The following CNTNAP5 variants were observed in gnomAD, a reference collection of about 807,000 sequenced individuals.
The protein encoded by CNTNAP5 is contactin associated protein family member 5, also known as contactin-associated protein-like 5.
In CNTNAP5, 72 loss-of-function variants were observed where a neutral mutation model predicts 150.2. That is an observed-to-expected ratio of 0.48 (90% confidence interval 0.40 to 0.58). The LOEUF (loss-of-function observed/expected upper bound fraction) is 0.58, where lower values mean the gene tolerates loss of function less well. CNTNAP5 is among the 20% of genes least tolerant of loss of function. The pLI is 0.00. For synonymous variants in CNTNAP5, 672 were observed against 619.8 expected, an observed-to-expected ratio of 1.08 and a Z score of -1.25; for missense variants, 1,636 against 1,626.2, an observed-to-expected ratio of 1.01 and a Z score of -0.10.
intron 19 of CNTNAP5, among the ~76,000 whole-genome samples, chr2:124,819,914 A>G (rs530461297): frequency 4.6e-5 from 7 of 152,248 alleles, no homozygotes; most frequent in East Asian, 1.9e-4. Context: ...TGCTTTCTCC[A>G]TGTAGGCTCT....
intron 1 of CNTNAP5, among the ~76,000 whole-genome samples, chr2:124,098,338 G>A (rs1448847577): frequency 1.3e-5 from 2 of 152,146 alleles, no homozygotes; most frequent in Non-Finnish European, 2.9e-5. Flanking sequence ...GGAAGAGGGG[G>A]GAATTGGTCT....
chr2:124,444,887 G>A (rs1692772886), intron 5 of CNTNAP5, among the ~76,000 whole-genome samples: 1 of 152,114 alleles, frequency 6.6e-6, no homozygotes, highest in African/African-American at 2.4e-5. Flanking sequence ...GGGTTTCACA[G>A]CACCGCACTC....
At chr2:124,578,755 A>T (rs1184820376) in intron 11 of CNTNAP5, among the ~76,000 whole-genome samples, 2 of 152,204 alleles carry the variant, frequency 1.3e-5, no homozygotes, top group African/African-American at 4.8e-5. Flanking sequence ...CCTGTGTAAC[A>T]GAGTGAGACC....
At chr2:124,820,161 A>G (rs867359402) in intron 19 of CNTNAP5, among the ~76,000 whole-genome samples, 4 of 152,148 alleles carry the variant, frequency 2.6e-5, no homozygotes, top group Non-Finnish European at 4.4e-5. Flanking sequence ...ATCTATTGTA[A>G]GTTATATTAA....
At chr2:124,093,372 T>C (rs1230586474) in intron 1 of CNTNAP5, among the ~76,000 whole-genome samples, 1 of 152,214 alleles carries the variant, frequency 6.6e-6, no homozygotes, top group Non-Finnish European at 1.5e-5. Context: ...ACATGATCAA[T>C]TCAATGAGCA....
chr2:124,826,712 C>T (rs905587658), intron 19 of CNTNAP5, among the ~76,000 whole-genome samples: 1 of 152,058 alleles, frequency 6.6e-6, no homozygotes, highest in Admixed American at 6.5e-5. Context: ...AGTATTTTAA[C>T]AAACCCTCTA....
chr2:124,473,007 G>A (rs1244610353), intron 6 of CNTNAP5, among the ~76,000 whole-genome samples: 5 of 151,916 alleles, frequency 3.3e-5, no homozygotes, highest in Non-Finnish European at 2.9e-5. Context: ...AAGAGTATAT[G>A]ATTTAATATA....
At chr2:124,409,957 G>C (rs1245287085) in intron 3 of CNTNAP5, among the ~76,000 whole-genome samples, 1 of 150,402 alleles carries the variant, frequency 6.6e-6, no homozygotes, top group Admixed American at 6.6e-5. Context: ...GTCAAGAGCT[G>C]TATTCAGTGT....
intron 1 of CNTNAP5, among the ~76,000 whole-genome samples, chr2:124,062,196 T>G (rs1030799064): frequency 6.6e-6 from 1 of 152,200 alleles, no homozygotes; most frequent in Non-Finnish European, 1.5e-5. Context: ...TCACAAAACC[T>G]TTGTCCTACA....
intron 1 of CNTNAP5, among the ~76,000 whole-genome samples, chr2:124,118,170 A>G (rs1683473904): frequency 6.6e-6 from 1 of 152,156 alleles, no homozygotes; most frequent in Non-Finnish European, 1.5e-5. Flanking sequence ...ATACTTTAGA[A>G]TATATGTATA....
chr2:124,450,011 C>A (rs1389966149), intron 6 of CNTNAP5, among the ~76,000 whole-genome samples: 2 of 151,974 alleles, frequency 1.3e-5, no homozygotes, highest in East Asian at 3.9e-4. Context: ...GATCCAGACC[C>A]CTGTTGGAAG....
intron 19 of CNTNAP5, among the ~76,000 whole-genome samples, chr2:124,829,883 T>C (rs1182643223): frequency 6.6e-6 from 1 of 151,914 alleles, no homozygotes; most frequent in Non-Finnish European, 1.5e-5. Flanking sequence ...ATTAGAATCA[T>C]GACTGACAGT....
intron 3 of CNTNAP5, among the ~76,000 whole-genome samples, chr2:124,327,043 C>T (rs1012325188): frequency 7.6e-5 from 10 of 131,902 alleles, no homozygotes; most frequent in Non-Finnish European, 1.1e-4. Context: ...TGCAGTGGTG[C>T]GATCTCAGCT....
chr2:124,625,440 C>T (rs953246873), intron 12 of CNTNAP5, among the ~76,000 whole-genome samples: 1 of 152,164 alleles, frequency 6.6e-6, no homozygotes, highest in Non-Finnish European at 1.5e-5. Context: ...AGTATACTTA[C>T]TACAGTATAC....
intron 13 of CNTNAP5, among the ~76,000 whole-genome samples, chr2:124,672,245 G>A (rs1678840194): frequency 6.6e-6 from 1 of 151,926 alleles, no homozygotes; most frequent in Admixed American, 6.6e-5. Flanking sequence ...ATTAAATAAG[G>A]GCCCACCCAT....
chr2:124,864,705 C>T (rs997321725), intron 19 of CNTNAP5, among the ~76,000 whole-genome samples: 2 of 152,088 alleles, frequency 1.3e-5, no homozygotes, highest in Non-Finnish European at 2.9e-5. Flanking sequence ...AATTGATTTC[C>T]TAACCAACAA....
At chr2:124,577,929 A>G (rs1307339403) in intron 11 of CNTNAP5, among the ~76,000 whole-genome samples, 1 of 152,108 alleles carries the variant, frequency 6.6e-6, no homozygotes, top group African/African-American at 2.4e-5. Flanking sequence ...ATGATAGACA[A>G]AACTGGTATC....
At chr2:124,242,980 T>G (rs957430378) in intron 3 of CNTNAP5, among the ~76,000 whole-genome samples, 1 of 152,172 alleles carries the variant, frequency 6.6e-6, no homozygotes, top group African/African-American at 2.4e-5. Context: ...GAAACAATCT[T>G]CAGCTTCAGA....
At chr2:124,250,854 A>G (rs537544883) in intron 3 of CNTNAP5, among the ~76,000 whole-genome samples, 9 of 151,754 alleles carry the variant, frequency 5.9e-5, no homozygotes, top group Non-Finnish European at 1.3e-4. Context: ...TTATTATTGC[A>G]ATGGTAACAA....
Sources: allele counts gnomAD v4.1 joint callset (sites outside exome capture counted in the v4.1 genomes callset), GRCh38; gene constraint gnomAD v4.1.1; transcripts MANE v1.5; gene names NCBI Gene and HGNC (gene_info 2026-07-23, HGNC 2026-07-21).